Variants in RASGEF1A observed in about 807,000 individuals in gnomAD.
RASGEF1A encodes RasGEF domain family member 1A, also known as ras-GEF domain-containing family member 1A.
Under a neutral mutation model 56.4 loss-of-function variants are expected in RASGEF1A, and 18 were observed. That is an observed-to-expected ratio of 0.32 (90% CI 0.22 to 0.47). RASGEF1A has a LOEUF of 0.47. Ranked by LOEUF, RASGEF1A falls within the 20% of genes least tolerant of loss-of-function variation. The pLI, the probability that RASGEF1A is intolerant of heterozygous loss-of-function variation, is 1.00. For synonymous variants in RASGEF1A, 245 were observed against 242.6 expected, an observed-to-expected ratio of 1.01 and a Z score of -0.09; for missense variants, 422 against 627.1, an observed-to-expected ratio of 0.67 and a Z score of 3.49.
intron 4 of RASGEF1A, among the ~76,000 whole-genome samples, chr10:43,201,111 A>T (rs1004066652): frequency 2.6e-5 from 4 of 152,204 alleles, no homozygotes; most frequent in Non-Finnish European, 5.9e-5. Flanking sequence ...CTGCTGCAGG[A>T]CGAGGCTAAG....
intron 9 of RASGEF1A, among the ~76,000 whole-genome samples, chr10:43,198,513 C>T (rs1294286642): frequency 6.6e-6 from 1 of 152,246 alleles, no homozygotes; most frequent in Non-Finnish European, 1.5e-5. Flanking sequence ...CCAGACCTGA[C>T]CAGCTCCACA....
At chr10:43,245,997 T>C (rs905400561) in intron 1 of RASGEF1A, among the ~76,000 whole-genome samples, 11 of 152,090 alleles carry the variant, frequency 7.2e-5, no homozygotes, top group African/African-American at 1.7e-4. Context: ...ATCTCATATA[T>C]AGGAAGTCCT....
In RASGEF1A at chr10:43,203,731, G is replaced by A. The variant is rs1283807540; in HGVS notation, c.199-311C>T. On this transcript the variant is annotated intron_variant, in intron 2 of 12. Transcript: ENST00000395810. ...CCACCATAGGGCTAACCCCAGCCTG[G>A]GACGTTGGTAGGGCTCCATGGTGCT... The A allele has an allele frequency of 2.7e-6, 3 of 1,112,858 alleles. No individual in the cohort carries two copies. The East Asian group carries it at 2.3e-4, about 85-fold the overall frequency. The allele number at this position is 1,112,858 out of a possible 1,614,324, so 68.9% of individuals were successfully genotyped here. A position where few individuals can be genotyped will look rare whatever the true frequency, so the allele number is the denominator to read the frequency against.
At chr10:43,232,467 A>C (rs1336235954) in intron 1 of RASGEF1A, among the ~76,000 whole-genome samples, 1 of 150,034 alleles carries the variant, frequency 6.7e-6, no homozygotes, top group Non-Finnish European at 1.5e-5. Context: ...TTTTCTTTAT[A>C]AATTACCCAG....
intron 5 of RASGEF1A, 64 bp downstream of exon 5, chr10:43,200,602 GT>G: frequency 7.0e-7 from 1 of 1,428,934 alleles, no homozygotes; most frequent in Non-Finnish European, 9.7e-7. Context: ...CTGAAGTGCT[GT>G]GCTGAAAGAG....
intron 1 of RASGEF1A, among the ~76,000 whole-genome samples, chr10:43,260,656 C>T (rs1203433931): frequency 1.3e-5 from 2 of 152,178 alleles, no homozygotes; most frequent in Non-Finnish European, 2.9e-5. Context: ...GCCACTGTCC[C>T]GCCCCCTCCC....
intron 1 of RASGEF1A, among the ~76,000 whole-genome samples, chr10:43,256,531 G>C (rs1412547551): frequency 1.3e-5 from 2 of 152,166 alleles, no homozygotes; most frequent in Non-Finnish European, 2.9e-5. Context: ...CAAATACGCA[G>C]ACCAGAGTGG....
At chr10:43,203,040 C>A (rs1053445228) in intron 3 of RASGEF1A, among the ~76,000 whole-genome samples, 1 of 147,350 alleles carries the variant, frequency 6.8e-6, no homozygotes, top group East Asian at 2.1e-4. Flanking sequence ...CCCTGCAGCC[C>A]CAGCTAGGCC....
chr10:43,263,604 G>C (rs1020840831), intron 1 of RASGEF1A, among the ~76,000 whole-genome samples: 1 of 152,084 alleles, frequency 6.6e-6, no homozygotes, highest in African/African-American at 2.4e-5. Flanking sequence ...GAACCCCACA[G>C]CCAGCTCACA....
chr10:43,231,799 C>T (rs1840372568), intron 1 of RASGEF1A, among the ~76,000 whole-genome samples: 1 of 152,204 alleles, frequency 6.6e-6, no homozygotes, highest in Non-Finnish European at 1.5e-5. Context: ...TGCTTGCATC[C>T]CTGCAGCTGG....
chr10:43,266,771 C>T (rs976675184), intron 1 of RASGEF1A, 74 bp downstream of exon 1: 1 of 145,928 alleles, frequency 6.9e-6, no homozygotes, highest in African/African-American at 2.5e-5. Flanking sequence ...CCTGCCCGCG[C>T]CGGCGACCGG....
At chr10:43,240,960 AC>A (rs1422079084) in intron 1 of RASGEF1A, among the ~76,000 whole-genome samples, 2 of 152,248 alleles carry the variant, frequency 1.3e-5, no homozygotes, top group African/African-American at 4.8e-5. Context: ...AGAGGTGTCA[AC>A]CATGAATTCT....
chr10:43,210,733 C>T (rs1840054668), intron 1 of RASGEF1A, among the ~76,000 whole-genome samples: 1 of 152,236 alleles, frequency 6.6e-6, no homozygotes, highest in South Asian at 2.1e-4. Flanking sequence ...GAAGCACCCT[C>T]CTCCCACCCA....
In RASGEF1A at chr10:43,196,971, C is replaced by G. The variant is rs766715155; in HGVS notation, c.1348+5G>C. ...AGGCATGCTGCGTTGGGAGGCAGCCCTCACCTTCCTCGCTGTAGATGGGCG... is the reference window on the plus strand; with the variant it reads ...AGGCATGCTGCGTTGGGAGGCAGCCGTCACCTTCCTCGCTGTAGATGGGCG... On this transcript the variant is annotated splice_donor_5th_base_variant and intron_variant, in intron 11 of 12. Transcript: ENST00000395810. The surrounding 1 kb of genome is among the most constrained non-coding windows in gnomAD (Gnocchi z 4.6). The G allele has an allele frequency of 6.2e-7, 1 of 1,612,956 alleles. No homozygotes were observed. The highest frequency in any genetic ancestry group is 1.1e-5 in the South Asian group (1 of 91,024).
intron 1 of RASGEF1A, among the ~76,000 whole-genome samples, chr10:43,237,317 CG>C (rs1840442664): frequency 6.6e-6 from 1 of 152,062 alleles, no homozygotes; most frequent in South Asian, 2.1e-4. Flanking sequence ...TCCCCGACCC[CG>C]GAGGCTCCTA....
chr10:43,209,304 G>A (rs1840034955), intron 1 of RASGEF1A: 2 of 766,000 alleles, frequency 2.6e-6, no homozygotes, highest in Non-Finnish European at 3.2e-6. Flanking sequence ...TTACGCAGAC[G>A]AGGGGTGAGT....
At chr10:43,233,202 T>C (rs567311390) in intron 1 of RASGEF1A, among the ~76,000 whole-genome samples, 1 of 152,342 alleles carries the variant, frequency 6.6e-6, no homozygotes, top group South Asian at 2.1e-4. Flanking sequence ...CTCCTGAGAA[T>C]GTGAGCTCCA....
Position 43,198,160 on chromosome 10 carries a change from G to A in RASGEF1A, c.1068C>T (p.Tyr356=). 1.9e-6 allele frequency: 3 copies of A among 1,613,572 alleles called. No individual in the cohort carries two copies. The highest frequency in any genetic ancestry group is 2.5e-6 in the Non-Finnish European group (3 of 1,179,548). Residue 356 remains tyrosine, a synonymous_variant, in exon 10 of 13, where the codon TAC becomes TAT. Transcript: ENST00000395810. Reference sequence around the variant, plus strand: ...GCGTGGCCCCCTGCAGGGCTGTACGGTAGTTGCAGAAGTTGCTGGACGGGT... The same window carrying A: ...GCGTGGCCCCCTGCAGGGCTGTACGATAGTTGCAGAAGTTGCTGGACGGGT... ...HMDPSSNFCN[Y]RTALQGATQR...
chr10:43,236,459 G>A (rs1310891798), intron 1 of RASGEF1A, among the ~76,000 whole-genome samples: 1 of 152,256 alleles, frequency 6.6e-6, no homozygotes, highest in Non-Finnish European at 1.5e-5. Context: ...TTACGAGTAT[G>A]CAGGCCTATG....
Sources: allele counts gnomAD v4.1 joint callset (sites outside exome capture counted in the v4.1 genomes callset), GRCh38; gene constraint gnomAD v4.1.1; non-coding constraint Gnocchi (gnomAD v3.1); transcripts MANE v1.5; gene names NCBI Gene and HGNC (gene_info 2026-07-23, HGNC 2026-07-21).